STK32C: variants seen among roughly 807,000 people sequenced by gnomAD.
STK32C encodes serine/threonine kinase 32C.
A neutral mutation model predicts 56.5 loss-of-function variants in STK32C; 31 were observed. That is an observed-to-expected ratio of 0.55 (90% confidence interval 0.41 to 0.74). The LOEUF (loss-of-function observed/expected upper bound fraction) is 0.74, where lower values mean the gene tolerates loss of function less well. Among genes scored for constraint, STK32C ranks in the 30% least tolerant of loss-of-function variants. The pLI is 0.00. For missense variants in STK32C, 544 were observed against 676.9 expected (o/e 0.80, Z 2.18); for synonymous variants, 309 against 289.4 (o/e 1.07, Z -0.69).
chr10:132,214,755 C>T (rs182950854), intron 10 of STK32C, among the ~76,000 whole-genome samples: 5 of 152,142 alleles, frequency 3.3e-5, no homozygotes, highest in Non-Finnish European at 5.9e-5. Flanking sequence ...CGAGAGGTGC[C>T]GTCACAAGGC....
chr10:132,254,431 G>A (rs1260877681), intron 1 of STK32C, among the ~76,000 whole-genome samples: 2 of 152,032 alleles, frequency 1.3e-5, no homozygotes, highest in East Asian at 3.9e-4. Context: ...TAAGCCTGCC[G>A]CAGGGCGCCG....
chr10:132,225,496 G>A, intron 6 of STK32C, 31 bp downstream of exon 6: 2 of 1,612,790 alleles, frequency 1.2e-6, no homozygotes, highest in Non-Finnish European at 1.7e-6. Flanking sequence ...GAGGAAGCCA[G>A]CTCCCATCTG....
intron 1 of STK32C, among the ~76,000 whole-genome samples, chr10:132,267,677 G>A (rs1483711638): frequency 1.4e-5 from 2 of 141,368 alleles, no homozygotes; most frequent in South Asian, 2.2e-4. Flanking sequence ...GTCGGTGTGT[G>A]TGCATGCATG....
chr10:132,237,554 G>A (rs866863156), intron 2 of STK32C, among the ~76,000 whole-genome samples: 1 of 152,232 alleles, frequency 6.6e-6, no homozygotes, highest in African/African-American at 2.4e-5. Context: ...CAGACTCTGC[G>A]CCGAGGTCCC....
rs2062802847 is a variant in STK32C, at chr10:132,224,449, A to G, written c.951T>C (p.Tyr317=). The change falls in exon 8 of 12, where the codon TAT becomes TAC. Residue 317 remains tyrosine (Y), a synonymous_variant. Coordinates refer to ENST00000298630, the MANE Select transcript of STK32C (RefSeq NM_173575.4). ...CCATCTCCTTGGACCACGTGGGGAC[A>G]TACTGGACGCTCACGGTGCTGAACA... ...VQLFSTVSVQ[Y]VPTWSKEMVA... is the part of the protein sequence containing the mutation. The G allele has an allele frequency of 2.6e-6, 4 of 1,563,152 alleles. No individual in the cohort carries two copies. Among genetic ancestry groups the G allele is most frequent in the Non-Finnish European group, 8.7e-7 (1 of 1,153,640 alleles).
intron 5 of STK32C, 25 bp downstream of exon 5, chr10:132,225,722 G>T: frequency 6.2e-7 from 1 of 1,613,960 alleles, no homozygotes; most frequent in Non-Finnish European, 8.5e-7. Flanking sequence ...ACCCACCTGG[G>T]CTGCCCACAC....
At chr10:132,276,785 C>CAAA (rs67801075) in intron 1 of STK32C, among the ~76,000 whole-genome samples, 41 of 142,954 alleles carry the variant, frequency 2.9e-4, no homozygotes, top group Non-Finnish European at 4.3e-4. Context: ...GACCCTGCCT[C>CAAA]AAAAAAAAAA....
At chr10:132,267,236 T>C (rs1415508172) in intron 1 of STK32C, among the ~76,000 whole-genome samples, 1 of 152,202 alleles carries the variant, frequency 6.6e-6, no homozygotes, top group Non-Finnish European at 1.5e-5. Context: ...AGGTCTCCTT[T>C]TGGGGTCCCT....
chr10:132,241,404 G>A (rs926429926), intron 2 of STK32C, among the ~76,000 whole-genome samples: 2 of 152,208 alleles, frequency 1.3e-5, no homozygotes, highest in African/African-American at 2.4e-5. Context: ...AAAGTTCCAC[G>A]TAACAACATG....
At chr10:132,311,953 C>T (rs2066230926), upstream of STK32C, among the ~76,000 whole-genome samples, 1 of 152,214 alleles carries the variant, frequency 6.6e-6, no homozygotes, top group Non-Finnish European at 1.5e-5. This position sits in a 1 kb window ranked among gnomAD's most constrained non-coding sequence, Gnocchi z 4.4. Flanking sequence ...ATTCACCACA[C>T]CCTACAGCCC....
intron 1 of STK32C, among the ~76,000 whole-genome samples, chr10:132,300,266 G>A (rs2065873373): frequency 6.6e-6 from 1 of 152,156 alleles, no homozygotes; most frequent in African/African-American, 2.4e-5. Flanking sequence ...GGGCGACACT[G>A]ACTCCCACCT....
At chr10:132,208,520 C>T (rs759883176) in intron 11 of STK32C, among the ~76,000 whole-genome samples, 2 of 152,196 alleles carry the variant, frequency 1.3e-5, no homozygotes, top group East Asian at 1.9e-4. Context: ...CTGCCCTGCA[C>T]GTCCTGTCCA....
rs1358263264 is a variant in STK32C at position 132,331,603 on chromosome 10, G to C, written c.134C>G (p.Ser45Ter). The C allele has an allele frequency of 6.2e-7, 1 of 1,612,892 alleles. No individual in the cohort carries two copies. The highest frequency in any genetic ancestry group is 1.7e-5 in the Admixed American group (1 of 60,030). ...AAGCCCCAGGAGAGACGCGGGGAGT[G>C]AGCCCAGCGGGAAGGACAGGCAGCG... The change falls in exon 1 of 2, where the codon TCA becomes TGA. Residue 45 changes from serine (S) to a stop codon, truncating the protein, a stop_gained. Transcript: ENST00000368619. LOFTEE classifies it high-confidence loss of function.
Position 132,222,638 on chromosome 10 carries a change from C to T in STK32C, c.1251+3G>A. Reference sequence around the variant, plus strand: ...CGCGCCCTGAGCCTGCCCTGGCACTCACGGACTGGGAGCTGTCCCTGCTGT... The same window carrying T: ...CGCGCCCTGAGCCTGCCCTGGCACTTACGGACTGGGAGCTGTCCCTGCTGT... On this transcript the variant is annotated splice_donor_region_variant and intron_variant, in intron 10 of 11. Transcript: ENST00000298630. 6.2e-7 allele frequency: 1 copy of T among 1,612,100 alleles called. No homozygotes were observed. The highest frequency in any genetic ancestry group is 8.5e-7 in the Non-Finnish European group (1 of 1,179,884).
At chr10:132,277,689 C>T (rs2065032118) in intron 1 of STK32C, among the ~76,000 whole-genome samples, 1 of 152,238 alleles carries the variant, frequency 6.6e-6, no homozygotes, top group African/African-American at 2.4e-5. Flanking sequence ...TTTATTCGAC[C>T]TTGACCCAAG....
chr10:132,303,187 G>T (rs939688310), intron 1 of STK32C, among the ~76,000 whole-genome samples: 1 of 152,206 alleles, frequency 6.6e-6, no homozygotes, highest in African/African-American at 2.4e-5. Context: ...CCCTACAGGG[G>T]GAAACATCCT....
chr10:132,286,090 C>T (rs943164901), intron 1 of STK32C, among the ~76,000 whole-genome samples: 12 of 151,346 alleles, frequency 7.9e-5, no homozygotes, highest in African/African-American at 2.4e-4. Context: ...TGAGCCACTG[C>T]ACTCCAGCCT....
In STK32C at chr10:132,207,784, G is replaced by A; in HGVS notation, c.*226C>T. 1 of 480,980 alleles carries A rather than the reference G, an allele frequency of 2.1e-6. No individual in the cohort carries two copies. The highest frequency in any genetic ancestry group is 3.3e-6 in the Non-Finnish European group (1 of 305,348). The allele number at this position is 480,980 out of a possible 1,614,324, so 29.8% of individuals were successfully genotyped here. ...AGCAGCGCTTCCTCCATCTAGGCGG[G>A]TCTCGGGGGCCCACGGGAAATGCCC... On this transcript the variant is annotated 3_prime_UTR_variant, in exon 12 of 12. Coordinates refer to ENST00000298630, the MANE Select transcript of STK32C (RefSeq NM_173575.4).
At chr10:132,319,181 TC>T, downstream of STK32C, among the ~76,000 whole-genome samples, 1 of 152,174 alleles carries the variant, frequency 6.6e-6, no homozygotes, top group African/African-American at 2.4e-5. Flanking sequence ...AATCCTGACT[TC>T]AGGTGATCCG....
Sources: gnomAD v4.1 joint callset for allele counts (sites outside exome capture counted in the v4.1 genomes callset) on GRCh38, gnomAD v4.1.1 for gene constraint, Gnocchi (gnomAD v3.1) non-coding constraint, MANE v1.5 for transcripts, NCBI Gene and HGNC (gene_info 2026-07-23, HGNC 2026-07-21) for gene names.